Variants in VPS39 observed in about 807,000 individuals in gnomAD.
The protein encoded by VPS39 is VPS39 subunit of HOPS complex, also known as vam6/Vps39-like protein.
A neutral mutation model predicts 121.0 loss-of-function variants in VPS39; 70 were observed. That is an observed-to-expected ratio of 0.58 (90% CI 0.48 to 0.71). The LOEUF is 0.71. Among genes scored for constraint, VPS39 ranks in the 30% least tolerant of loss-of-function variants. VPS39 has a pLI of 0.00. For missense variants in VPS39, 818 were observed against 1,051.5 expected, an observed-to-expected ratio of 0.78 and a Z score of 3.07; for synonymous variants, 378 against 398.1, an observed-to-expected ratio of 0.95 and a Z score of 0.60.
intron 2 of VPS39, among the ~76,000 whole-genome samples, chr15:42,194,591 G>A (rs1165323803): frequency 6.6e-6 from 1 of 152,004 alleles, no homozygotes; most frequent in African/African-American, 2.4e-5. Flanking sequence ...AAACTATCTG[G>A]GCATGCTGGT....
At chr15:42,164,720 T>A (rs1369002095) in intron 18 of VPS39, 21 of 1,430,590 alleles carry the variant, frequency 1.5e-5, no homozygotes, top group Non-Finnish European at 1.9e-5. Context: ...CAAACCTGTT[T>A]CTTATCAGTA....
chr15:42,174,960 C>T (rs1357316004), intron 10 of VPS39, among the ~76,000 whole-genome samples: 2 of 151,564 alleles, frequency 1.3e-5, no homozygotes, highest in Non-Finnish European at 2.9e-5. Flanking sequence ...GGTGACAGAG[C>T]GAGACTCCAT....
chr15:42,208,217 G>A lies in VPS39; in HGVS notation c.-64C>T, dbSNP rs949142084. 3.2e-6 allele frequency: 5 copies of A among 1,548,112 alleles called. No homozygotes were observed. The South Asian group carries it at 6.0e-5, about 18-fold the overall frequency. ...AGTGTTCCGGGCCGGGCTGGGGTCCGGAACGAGTCTGGGCTAAGGGTAGAC... is the reference window on the plus strand; with the variant it reads ...AGTGTTCCGGGCCGGGCTGGGGTCCAGAACGAGTCTGGGCTAAGGGTAGAC... On this transcript the variant is annotated 5_prime_UTR_variant, in exon 1 of 25. Transcript: ENST00000318006.
intron 18 of VPS39, 64 bp downstream of exon 18, chr15:42,164,932 G>A: frequency 6.3e-7 from 1 of 1,599,942 alleles, no homozygotes; most frequent in Non-Finnish European, 8.5e-7. Flanking sequence ...CACCACACGT[G>A]GCACCTGGGT....
At chr15:42,181,099 C>A (rs1486168709) in intron 8 of VPS39, among the ~76,000 whole-genome samples, 1 of 152,026 alleles carries the variant, frequency 6.6e-6, no homozygotes, top group Non-Finnish European at 1.5e-5. Context: ...TTCACAGCAG[C>A]CAATGGTGAA....
At chr15:42,163,250 G>T in intron 21 of VPS39, 100 bp downstream of exon 21, 1 of 1,403,106 alleles carries the variant, frequency 7.1e-7, no homozygotes, top group Non-Finnish European at 1.0e-6. Flanking sequence ...GCCCTGACTC[G>T]TGCCCTGTCT....
At chr15:42,200,048 T>G in intron 1 of VPS39, 87 bp from the exon 2 acceptor site, 1 of 1,286,522 alleles carries the variant, frequency 7.8e-7, no homozygotes, top group South Asian at 1.7e-5. Context: ...CCCTATTTTT[T>G]TAGCTGGGGC....
intron 5 of VPS39, among the ~76,000 whole-genome samples, 199 bp downstream of exon 5, chr15:42,188,915 G>A (rs1398931562): frequency 5.3e-5 from 8 of 151,698 alleles, no homozygotes; most frequent in Non-Finnish European, 8.8e-5. Context: ...GCAGTGAGCC[G>A]AGATCGTGCC....
rs767440457 is a variant in VPS39 at position 42,164,398 on chromosome 15, G to A, written c.1986C>T (p.Tyr662=). 4.6e-5 allele frequency: 75 copies of A among 1,614,178 alleles called. 4 individuals are homozygous for A. The South Asian group carries it at 8.1e-4, about 17-fold the overall frequency. The change falls in exon 19 of 25, where the codon TAC becomes TAT. Residue 662 remains tyrosine, a synonymous_variant. Transcript: ENST00000318006. Reference sequence around the variant, plus strand: ...CACAGATGAGCCGGCCTGGATCATAGTAGCTGGAAATCTCCAAGAACATGA... The same window carrying A: ...CACAGATGAGCCGGCCTGGATCATAATAGCTGGAAATCTCCAAGAACATGA... ...KLLMFLEISS[Y]YDPGRLICDF... is the part of the protein sequence containing the mutation.
Position 42,160,618 on chromosome 15 carries a change from C to A in VPS39, c.*136G>T. 1 of 767,508 alleles carries A rather than the reference C, an allele frequency of 1.3e-6. No individual in the cohort carries two copies. 47.5% of individuals were successfully genotyped at this position (767,508 alleles called of 1,614,324 possible). A position where few individuals can be genotyped will look rare whatever the true frequency, so the allele number is the denominator to read the frequency against. On this transcript the variant is annotated 3_prime_UTR_variant, in exon 25 of 25. Transcript: ENST00000318006. Reference sequence around the variant, plus strand: ...GAGTCTAATTAATTCAGAGTTGTTCCAGGGCACAAGATAGCCAGTAATGTC... The same window carrying A: ...GAGTCTAATTAATTCAGAGTTGTTCAAGGGCACAAGATAGCCAGTAATGTC...
At chr15:42,195,921 T>C (rs1336418151) in intron 2 of VPS39, among the ~76,000 whole-genome samples, 1 of 152,134 alleles carries the variant, frequency 6.6e-6, no homozygotes, top group Non-Finnish European at 1.5e-5. Flanking sequence ...CTTCAAACTA[T>C]ACTACAAGGC....
chr15:42,192,053 C>T lies in VPS39; in HGVS notation c.140-493G>A, dbSNP rs146476507. On this transcript the variant is annotated intron_variant, in intron 2 of 24. Coordinates refer to ENST00000318006, the MANE Select transcript of VPS39 (RefSeq NM_015289.5). The stretch of plus-strand genomic sequence containing the variant: ...TCTCCAGAGCTAAAGCAATTCAATG[C>T]GTCTACACTTACTGCCGCTTTCAGG... The T allele has an allele frequency of 4.9e-4, 750 of 1,536,322 alleles. 7 individuals carry two copies. The East Asian group carries it at 0.015, about 32-fold the overall frequency.
At chr15:42,195,004 C>G (rs1391688837) in intron 2 of VPS39, among the ~76,000 whole-genome samples, 2 of 151,836 alleles carry the variant, frequency 1.3e-5, no homozygotes, top group Non-Finnish European at 2.9e-5. Flanking sequence ...CCTTGTAGGT[C>G]CTCTGAAAGG....
At chr15:42,188,198 A>C (rs867011129) in intron 5 of VPS39, among the ~76,000 whole-genome samples, 61 of 152,146 alleles carry the variant, frequency 4.0e-4, no homozygotes, top group African/African-American at 1.4e-3. Context: ...CTGGCTGTCA[A>C]TGCATGCTGG....
chr15:42,189,332 A>T, intron 4 of VPS39, 124 bp from the exon 5 acceptor site: 1 of 685,672 alleles, frequency 1.5e-6, no homozygotes, highest in Non-Finnish European at 2.6e-6. Context: ...TTGGTTGAAG[A>T]TGTCCCTTCA....
Position 42,208,235 on chromosome 15 carries a change from G to A in VPS39, c.-82C>T, listed in dbSNP as rs2050219446. On this transcript the variant is annotated 5_prime_UTR_variant, in exon 1 of 25. Coordinates refer to ENST00000318006, the MANE Select transcript of VPS39 (RefSeq NM_015289.5). ...GGGGTCCGGAACGAGTCTGGGCTAA[G>A]GGTAGACCGGGATCCGGCCAGGAAC... 4 of 1,515,076 alleles carry A rather than the reference G, an allele frequency of 2.6e-6. No individual in the cohort carries two copies. The highest frequency in any genetic ancestry group is 2.7e-6 in the Non-Finnish European group (3 of 1,121,212). 93.9% of individuals were successfully genotyped at this position (1,515,076 alleles called of 1,614,324 possible).
At position 42,159,125 on chromosome 15, in the gene VPS39, G is replaced by C. The variant is rs373925274; in HGVS notation, c.*1629C>G. The C allele has an allele frequency of 6.6e-6, 1 of 152,280 alleles. No homozygotes were observed. Among genetic ancestry groups the C allele is most frequent in the Non-Finnish European group, 1.5e-5 (1 of 68,110 alleles). The allele number at this position is 152,280 out of a possible 1,614,324, so 9.4% of individuals were successfully genotyped here. A position where few individuals can be genotyped will look rare whatever the true frequency, so the allele number is the denominator to read the frequency against. On this transcript the variant is annotated 3_prime_UTR_variant, in exon 25 of 25. Transcript: ENST00000318006. ...ACGTGGCGCCACACACTGCTCCTCC[G>C]AACTCTGGTGAAGGGCTGCCCAGCC...
At chr15:42,194,558 A>C (rs599317) in intron 2 of VPS39, among the ~76,000 whole-genome samples, 22,811 of 151,944 alleles carry the variant, frequency 0.15, 2,298 homozygotes, top group African/African-American at 0.27. Flanking sequence ...AGAAGAGACA[A>C]CTCATCTTTA....
chr15:42,199,524 T>A (rs1401650539), intron 2 of VPS39: 1 of 446,776 alleles, frequency 2.2e-6, no homozygotes, highest in Admixed American at 2.6e-5. Flanking sequence ...GTTGCCTAAT[T>A]TTTTTTCCTA....
Sources: gnomAD v4.1 joint callset for allele counts (sites outside exome capture counted in the v4.1 genomes callset) on GRCh38, gnomAD v4.1.1 for gene constraint, MANE v1.5 for transcripts, NCBI Gene and HGNC (gene_info 2026-07-23, HGNC 2026-07-21) for gene names.